Variants in OSMR observed in about 807,000 individuals in gnomAD.
OSMR encodes oncostatin-M-specific receptor subunit beta.
OSMR carries 81 observed loss-of-function variants against 99.9 expected under a neutral mutation model. The observed-to-expected ratio is 0.81, with a 90% CI of 0.68 to 0.97. The LOEUF is 0.97. OSMR is among the 50% of genes least tolerant of loss of function. The pLI, the probability that OSMR is intolerant of heterozygous loss-of-function variation, is 0.00. For synonymous variants in OSMR, 406 were observed against 410.4 expected (o/e 0.99, Z 0.13); for missense variants, 1,099 against 1,153.4 (o/e 0.95, Z 0.68).
chr5:38,881,397 A>C (rs897350980), intron 3 of OSMR, 196 bp from the exon 4 acceptor site: 15 of 804,260 alleles, frequency 1.9e-5, no homozygotes, highest in Non-Finnish European at 2.1e-5. Flanking sequence ...CTGAGTTTTC[A>C]AAAGGCAGGA....
At chr5:38,943,263 G>A (rs1341424943) in intron 1 of OSMR, 14 of 234,900 alleles carry the variant, frequency 6.0e-5, no homozygotes, top group Non-Finnish European at 1.1e-4. Flanking sequence ...TATCAGCCTA[G>A]GATGATTAAA....
At position 38,904,541 on chromosome 5, in the gene OSMR, G is replaced by A. The variant is rs1391165692; in HGVS notation, c.1285+38G>A. 3 of 1,613,332 alleles carry A rather than the reference G, an allele frequency of 1.9e-6. No individual in the cohort carries two copies. The South Asian group carries it at 3.3e-5, about 18-fold the overall frequency. On this transcript the variant is annotated intron_variant, in intron 9 of 17. Coordinates refer to ENST00000274276, the MANE Select transcript of OSMR (RefSeq NM_003999.3). ...CCTGGCATTTAACCCAAAGAAGTAGGTCTTAGGAGTTAGACTGGTTTCCTT... is the reference window on the plus strand; with the variant it reads ...CCTGGCATTTAACCCAAAGAAGTAGATCTTAGGAGTTAGACTGGTTTCCTT...
chr5:38,892,303 C>G (rs1339643024), intron 7 of OSMR, among the ~76,000 whole-genome samples: 1 of 152,012 alleles, frequency 6.6e-6, no homozygotes, highest in East Asian at 1.9e-4. Context: ...TGGGATATTC[C>G]CTTGGGCTCC....
rs1169350452 is a variant in OSMR, at chr5:38,923,266, G to A, written c.1870+12G>A. 2 of 1,471,722 alleles carry A rather than the reference G, an allele frequency of 1.4e-6. No homozygotes were observed. The highest frequency in any genetic ancestry group is 1.9e-6 in the Non-Finnish European group (2 of 1,050,696). 91.2% of individuals were successfully genotyped at this position (1,471,722 alleles called of 1,614,324 possible). On this transcript the variant is annotated intron_variant, in intron 13 of 17. Transcript: ENST00000274276. ...CTCTCAGGAACTTGGTAAGTTTAAA[G>A]CATGTAATGTGCCCCATGTGCAGAC...
At chr5:38,863,180 AGAGGGAGAGGGAGAGGGG>A in intron 1 of OSMR, among the ~76,000 whole-genome samples, 1 of 33,266 alleles carries the variant, frequency 3.0e-5, no homozygotes, top group African/African-American at 1.2e-4. Context: ...GACCGTGGGG[AGAGGGAGAGGGAGAGGGG>A]GAGGGGGAGG....
intron 1 of OSMR, among the ~76,000 whole-genome samples, chr5:38,853,397 G>A (rs1028756967): frequency 6.6e-6 from 1 of 152,128 alleles, no homozygotes; most frequent in Non-Finnish European, 1.5e-5. Flanking sequence ...AAAGGACATT[G>A]AAACCTAGAG....
chr5:38,917,410 TAG>T, intron 9 of OSMR, 134 bp from the exon 10 acceptor site: 12 of 1,473,140 alleles, frequency 8.1e-6, no homozygotes, highest in Non-Finnish European at 1.1e-5. Flanking sequence ...GTAGAAGTCA[TAG>T]AGAGTGAAAA....
chr5:38,898,950 CTTTTT>C (rs58159819), intron 7 of OSMR, among the ~76,000 whole-genome samples: 23 of 78,288 alleles, frequency 2.9e-4, no homozygotes, highest in East Asian at 1.3e-3. Flanking sequence ...TACATAATAT[CTTTTT>C]TTTTTTTTTT....
intron 15 of OSMR, 151 bp downstream of exon 15, chr5:38,925,522 T>G: frequency 1.4e-6 from 1 of 731,474 alleles, no homozygotes; most frequent in Non-Finnish European, 2.5e-6. Context: ...TGAAACCCTT[T>G]TTGTCACAAA....
chr5:38,901,415 C>G (rs987146849), intron 7 of OSMR, among the ~76,000 whole-genome samples: 1 of 152,132 alleles, frequency 6.6e-6, no homozygotes, highest in African/African-American at 2.4e-5. Context: ...TTCGATGTGC[C>G]AGTTTCATTT....
rs531053921 is a variant in OSMR at position 38,929,979 on chromosome 5, G to A, written c.2213-1904G>A. ...TGATTAACTATTCTCCTGTCTCCTCGTTTTCTCTTGTGACATGTGGATAAT... is the reference window on the plus strand; with the variant it reads ...TGATTAACTATTCTCCTGTCTCCTCATTTTCTCTTGTGACATGTGGATAAT... On this transcript the variant is annotated intron_variant, in intron 15 of 17. Transcript: ENST00000274276. Among the ~76,000 whole-genome samples, 12 of 152,194 alleles carry A rather than the reference G, an allele frequency of 7.9e-5. No homozygotes were observed. The South Asian group carries it at 2.3e-3, about 29-fold the overall frequency.
intron 9 of OSMR, among the ~76,000 whole-genome samples, chr5:38,914,695 A>C (rs539484763): frequency 3.9e-5 from 6 of 152,374 alleles, no homozygotes; most frequent in Admixed American, 2.6e-4. Context: ...ACATGGATGT[A>C]GCTGGAGGCC....
At chr5:38,899,094 G>T (rs1239086930) in intron 7 of OSMR, among the ~76,000 whole-genome samples, 1 of 151,894 alleles carries the variant, frequency 6.6e-6, no homozygotes, top group East Asian at 1.9e-4. Flanking sequence ...CAAGTAGCAG[G>T]AATTGCAGGC....
chr5:38,895,526 A>G (rs555662347), intron 7 of OSMR, among the ~76,000 whole-genome samples: 106 of 152,186 alleles, frequency 7.0e-4, no homozygotes, highest in Middle Eastern at 3.4e-3. Context: ...AGCTTCTTAT[A>G]TATTCTGGTT....
At chr5:38,943,169 A>AC (rs1303457364) in intron 1 of OSMR, 2 of 443,678 alleles carry the variant, frequency 4.5e-6, no homozygotes, top group Admixed American at 3.7e-5. Context: ...TTTTTTTTTA[A>AC]AAAAAATGAT....
intron 7 of OSMR, among the ~76,000 whole-genome samples, chr5:38,887,550 G>A (rs566051878): frequency 2.6e-5 from 4 of 152,208 alleles, no homozygotes; most frequent in African/African-American, 9.6e-5. Context: ...TCCACTGGTT[G>A]GTCTGTTTAT....
chr5:38,920,549 A>G (rs1746181478), intron 11 of OSMR, among the ~76,000 whole-genome samples: 1 of 152,208 alleles, frequency 6.6e-6, no homozygotes, highest in Admixed American at 6.5e-5. Context: ...GATGGGATCT[A>G]TAAAGCCCTC....
At chr5:38,884,378 G>A (rs917262761) in intron 5 of OSMR, among the ~76,000 whole-genome samples, 5 of 152,250 alleles carry the variant, frequency 3.3e-5, no homozygotes, top group Non-Finnish European at 7.4e-5. Flanking sequence ...TGGACCACTG[G>A]GAAAATACCC....
chr5:38,929,171 A>G (rs1746608359), intron 15 of OSMR, among the ~76,000 whole-genome samples: 1 of 152,238 alleles, frequency 6.6e-6, no homozygotes, highest in Non-Finnish European at 1.5e-5. Flanking sequence ...ATGTGCTACA[A>G]TGAGGCTAGG....
Sources: gnomAD v4.1 joint callset for allele counts (sites outside exome capture counted in the v4.1 genomes callset) on GRCh38, gnomAD v4.1.1 for gene constraint, MANE v1.5 for transcripts, NCBI Gene and HGNC (gene_info 2026-07-23, HGNC 2026-07-21) for gene names.